The following RGS8 variants were observed in gnomAD, a reference collection of about 807,000 sequenced individuals.
The protein encoded by RGS8 is regulator of G-protein signaling 8.
RGS8 carries 8 observed loss-of-function variants against 21.7 expected under a neutral mutation model. That is an observed-to-expected ratio of 0.37 (90% CI 0.22 to 0.66). The LOEUF (loss-of-function observed/expected upper bound fraction) is 0.66. Ranked by LOEUF, RGS8 falls within the 30% of genes least tolerant of loss-of-function variation. The probability of loss-of-function intolerance (pLI) is 0.59; values close to 1 mark genes in which losing one functional copy is unlikely to be tolerated. For synonymous variants in RGS8, 80 were observed against 83.6 expected, an observed-to-expected ratio of 0.96 and a Z score of 0.24; for missense variants, 157 against 217.9, an observed-to-expected ratio of 0.72 and a Z score of 1.76.
At chr1:182,652,632 GC>G (rs1663076431) in intron 5 of RGS8, among the ~76,000 whole-genome samples, 1 of 152,170 alleles carries the variant, frequency 6.6e-6, no homozygotes, top group South Asian at 2.1e-4. Context: ...TATGCTATGT[GC>G]TAAAAGCAGA....
At chr1:182,716,792 G>T in the RGS8 span, among the ~76,000 whole-genome samples, 618 of 151,938 alleles carry the variant, frequency 4.1e-3, no homozygotes, top group Middle Eastern at 0.017. Flanking sequence ...TCTGTGCCTC[G>T]GATCATCATC....
intron 5 of RGS8, among the ~76,000 whole-genome samples, chr1:182,655,052 C>T (rs1571317701): frequency 6.6e-6 from 1 of 152,328 alleles, no homozygotes; most frequent in East Asian, 1.9e-4. Context: ...TCTTATGGTA[C>T]TGGCTTCTCA....
At chr1:182,709,776 T>C in the RGS8 span, among the ~76,000 whole-genome samples, 7 of 152,266 alleles carry the variant, frequency 4.6e-5, no homozygotes, top group Non-Finnish European at 1.0e-4. Context: ...ACTTGTTTTA[T>C]GAATGCGAAC....
chr1:182,672,315 GA>G (rs1395272233), upstream of RGS8: 22 of 179,886 alleles, frequency 1.2e-4, no homozygotes, highest in Non-Finnish European at 2.1e-4. Flanking sequence ...AATGAGCCAG[GA>G]GGAGGGGGGC....
upstream of RGS8, among the ~76,000 whole-genome samples, chr1:182,688,023 T>G (rs970098648): frequency 3.9e-5 from 6 of 152,236 alleles, no homozygotes; most frequent in African/African-American, 1.4e-4. Flanking sequence ...TTAAACTGCG[T>G]ATGTCCTATT....
chr1:182,678,693 C>T (rs2102454622), intron 1 of RGS8, among the ~76,000 whole-genome samples: 1 of 152,298 alleles, frequency 6.6e-6, no homozygotes, highest in Middle Eastern at 3.4e-3. Context: ...AAATGATGGC[C>T]TGTTTGCTCA....
At chr1:182,729,793 C>T in the RGS8 span, among the ~76,000 whole-genome samples, 1 of 152,118 alleles carries the variant, frequency 6.6e-6, no homozygotes, top group African/African-American at 2.4e-5. Flanking sequence ...TGAAAGGTGC[C>T]TTGTGCTTGC....
upstream of RGS8, among the ~76,000 whole-genome samples, chr1:182,689,018 C>T (rs1049269272): frequency 2.6e-5 from 4 of 152,044 alleles, no homozygotes; most frequent in South Asian, 2.1e-4. Context: ...TCACTGTGTC[C>T]GTGGTAATTT....
At chr1:182,746,724 G>A in the RGS8 span, among the ~76,000 whole-genome samples, 25,195 of 151,700 alleles carry the variant, frequency 0.17, 2,196 homozygotes, top group African/African-American at 0.23. Flanking sequence ...GAGAGAGAAA[G>A]GGAGGGAGGG....
the RGS8 span, among the ~76,000 whole-genome samples, chr1:182,739,139 G>A: frequency 1.2e-4 from 19 of 152,254 alleles, no homozygotes; most frequent in Middle Eastern, 3.4e-3. Context: ...CCCCACAAGT[G>A]TGCTGGGAAA....
intron 5 of RGS8, among the ~76,000 whole-genome samples, chr1:182,649,378 G>T (rs552133254): frequency 2.0e-5 from 3 of 152,106 alleles, no homozygotes; most frequent in African/African-American, 7.2e-5. Context: ...CTGAAATGCA[G>T]TCGGCAGTTT....
chr1:182,660,891 T>C (rs1471874027), intron 5 of RGS8, among the ~76,000 whole-genome samples: 1 of 151,678 alleles, frequency 6.6e-6, no homozygotes, highest in East Asian at 1.9e-4. Context: ...AAGCTCCCAG[T>C]AGATATTGGT....
chr1:182,743,569 C>A, the RGS8 span, among the ~76,000 whole-genome samples: 1 of 152,182 alleles, frequency 6.6e-6, no homozygotes, highest in South Asian at 2.1e-4. Flanking sequence ...GATATGATCC[C>A]TACTGACCCT....
chr1:182,738,436 A>G, the RGS8 span, among the ~76,000 whole-genome samples: 2 of 152,384 alleles, frequency 1.3e-5, no homozygotes, highest in South Asian at 4.1e-4. Flanking sequence ...GTACCTCAAG[A>G]AAATATATAT....
chr1:182,676,738 A>G (rs1357921570), upstream of RGS8, among the ~76,000 whole-genome samples: 1 of 152,142 alleles, frequency 6.6e-6, no homozygotes, highest in African/African-American at 2.4e-5. Flanking sequence ...TTCAAAGAAA[A>G]CCAAGAAGCA....
chr1:182,741,358 G>C, the RGS8 span, among the ~76,000 whole-genome samples: 2 of 134,590 alleles, frequency 1.5e-5, no homozygotes, highest in African/African-American at 2.9e-5. Flanking sequence ...CGGGCGGGGG[G>C]GCTGAACCCC....
upstream of RGS8, among the ~76,000 whole-genome samples, chr1:182,676,888 A>G (rs559368560): frequency 2.6e-5 from 4 of 152,326 alleles, no homozygotes; most frequent in African/African-American, 9.6e-5. Context: ...CTCATCTGTA[A>G]AACACAAATT....
intron 5 of RGS8, among the ~76,000 whole-genome samples, chr1:182,665,113 G>A (rs1663788826): frequency 6.6e-6 from 1 of 152,202 alleles, no homozygotes; most frequent in African/African-American, 2.4e-5. Flanking sequence ...TCCCAGATCA[G>A]TTAGGGCTTC....
chr1:182,670,714 C>G (rs1191819012), intron 2 of RGS8, among the ~76,000 whole-genome samples: 2 of 152,040 alleles, frequency 1.3e-5, no homozygotes, highest in Non-Finnish European at 2.9e-5. Flanking sequence ...TTAAAAATAG[C>G]TTCTTTAATA....
Sources: gnomAD v4.1 joint callset for allele counts (sites outside exome capture counted in the v4.1 genomes callset) on GRCh38, gnomAD v4.1.1 for gene constraint, MANE v1.5 for transcripts, NCBI Gene and HGNC (gene_info 2026-07-23, HGNC 2026-07-21) for gene names.